Variants in DDAH1 observed in about 807,000 individuals in gnomAD.
The protein encoded by DDAH1 is N(G),N(G)-dimethylarginine dimethylaminohydrolase 1.
DDAH1 carries 19 observed loss-of-function variants against 28.8 expected under a neutral mutation model. The ratio of observed to expected loss-of-function variants is 0.66; its 90% CI spans 0.46 to 0.97. The LOEUF is 0.97. Ranked by LOEUF, DDAH1 falls within the 50% of genes least tolerant of loss-of-function variation. The pLI, the probability that DDAH1 is intolerant of heterozygous loss-of-function variation, is 0.00. For missense variants in DDAH1, 326 were observed against 375.9 expected, an observed-to-expected ratio of 0.87 and a Z score of 1.10; for synonymous variants, 153 against 154.4, an observed-to-expected ratio of 0.99 and a Z score of 0.07.
Position 85,350,432 on chromosome 1 carries a change from C to T in DDAH1, c.580G>A (p.Ala194Thr). The change falls in exon 4 of 6, where the codon GCA (alanine) becomes ACA (threonine). Residue 194 changes from alanine to threonine, a missense_variant. Transcript: ENST00000284031. ...NLIAIGSSESAQKALKIMQQM... is the reference protein window; with the variant it reads ...NLIAIGSSESTQKALKIMQQM... ...GTATTTACCTTAAGGGCCTTCTGTG[C>T]AGATTCACTAGACCCAATTGCGATC... 6.2e-7 allele frequency: 1 copy of T among 1,613,776 alleles called. No individual in the cohort carries two copies. Among genetic ancestry groups the T allele is most frequent in the South Asian group, 1.1e-5 (1 of 91,024 alleles).
At chr1:85,541,738 G>A (rs1311811215) in intron 1 of DDAH1, among the ~76,000 whole-genome samples, 2 of 152,180 alleles carry the variant, frequency 1.3e-5, no homozygotes, top group East Asian at 3.8e-4. Flanking sequence ...TTTGGGAGAT[G>A]ATTAGATCAT....
At chr1:85,344,624 T>G (rs1294394031) in intron 4 of DDAH1, among the ~76,000 whole-genome samples, 1 of 149,596 alleles carries the variant, frequency 6.7e-6, no homozygotes, top group East Asian at 2.0e-4. Flanking sequence ...TTAAGAAAAT[T>G]TTTTTTTCTC....
chr1:85,549,350 C>A (rs946356262), intron 1 of DDAH1, among the ~76,000 whole-genome samples: 43 of 152,278 alleles, frequency 2.8e-4, no homozygotes, highest in African/African-American at 9.6e-4. Flanking sequence ...CTTGTTTAAA[C>A]AAGAGTTGCT....
At chr1:85,506,717 T>C (rs542709387) in intron 1 of DDAH1, among the ~76,000 whole-genome samples, 1 of 152,350 alleles carries the variant, frequency 6.6e-6, no homozygotes, top group East Asian at 1.9e-4. Context: ...ATGGCCTTGC[T>C]TGCTAAGCTT....
In DDAH1 at chr1:85,437,067, C is replaced by T. The variant is rs181796992; in HGVS notation, c.303+27676G>A. On this transcript the variant is annotated intron_variant, in intron 1 of 5. Coordinates refer to ENST00000284031, the MANE Select transcript of DDAH1 (RefSeq NM_012137.4). Reference sequence around the variant, plus strand: ...TGATGGAAGTGATGCTGAGTGACTTCGAGGCTAGCTTGAAAAAGACAATGC... The same window carrying T: ...TGATGGAAGTGATGCTGAGTGACTTTGAGGCTAGCTTGAAAAAGACAATGC... 1.6e-4 allele frequency among the ~76,000 whole-genome samples: 25 copies of T among 152,212 alleles called. No individual in the cohort carries two copies. The East Asian group carries it at 1.7e-3, about 11-fold the overall frequency.
At chr1:85,335,532 A>C (rs1445669475) in intron 4 of DDAH1, among the ~76,000 whole-genome samples, 1 of 152,038 alleles carries the variant, frequency 6.6e-6, no homozygotes. Context: ...TATCAGATAA[A>C]ACAGATTTTT....
At chr1:85,570,228 G>A (rs903316852) in intron 1 of DDAH1, among the ~76,000 whole-genome samples, 3 of 152,044 alleles carry the variant, frequency 2.0e-5, no homozygotes, top group African/African-American at 7.2e-5. Flanking sequence ...CTACCACGTG[G>A]CCTCAAAGCC....
intron 1 of DDAH1, among the ~76,000 whole-genome samples, chr1:85,550,977 A>T (rs1421276840): frequency 1.3e-5 from 2 of 152,216 alleles, no homozygotes; most frequent in African/African-American, 2.4e-5. Context: ...AAGTTCTCTC[A>T]AGTAAGCTGA....
chr1:85,513,738 A>G (rs1359670811), intron 1 of DDAH1, among the ~76,000 whole-genome samples: 6 of 152,256 alleles, frequency 3.9e-5, no homozygotes, highest in South Asian at 2.1e-4. Flanking sequence ...TGCAGCCAAC[A>G]GACACATGAA....
At chr1:85,419,847 TGA>T (rs1026958047) in intron 1 of DDAH1, among the ~76,000 whole-genome samples, 2 of 152,180 alleles carry the variant, frequency 1.3e-5, no homozygotes, top group African/African-American at 2.4e-5. Context: ...TTTAAGACCT[TGA>T]GAGTTTTCAG....
chr1:85,540,175 C>G (rs1658428490), intron 1 of DDAH1, among the ~76,000 whole-genome samples: 1 of 152,078 alleles, frequency 6.6e-6, no homozygotes, highest in South Asian at 2.1e-4. Flanking sequence ...AATAGAGTAT[C>G]ATCCCCATTT....
At chr1:85,338,148 G>T (rs1318289069) in intron 4 of DDAH1, among the ~76,000 whole-genome samples, 1 of 152,176 alleles carries the variant, frequency 6.6e-6, no homozygotes, top group Admixed American at 6.5e-5. Flanking sequence ...GGGAAGGAAG[G>T]CAGACTTTTC....
chr1:85,370,110 G>C (rs998828314), intron 1 of DDAH1, among the ~76,000 whole-genome samples: 2 of 152,148 alleles, frequency 1.3e-5, no homozygotes, highest in African/African-American at 4.8e-5. Flanking sequence ...GGGGTCTTTA[G>C]AGAGATAATC....
intron 4 of DDAH1, among the ~76,000 whole-genome samples, chr1:85,333,591 A>C (rs995827236): frequency 6.6e-6 from 1 of 152,142 alleles, no homozygotes; most frequent in Non-Finnish European, 1.5e-5. Context: ...TTAAAAAAAC[A>C]ACTCAGGGTA....
intron 2 of DDAH1, among the ~76,000 whole-genome samples, chr1:85,483,389 C>A (rs1055677953): frequency 3.3e-5 from 5 of 152,076 alleles, no homozygotes; most frequent in African/African-American, 1.2e-4. Flanking sequence ...CTCATCAAGA[C>A]CCTCATCTAC....
chr1:85,428,918 A>C lies in DDAH1; in HGVS notation c.303+35825T>G, dbSNP rs115026227. The stretch of plus-strand genomic sequence containing the variant: ...CAGAGGAAGCAACATGAGGAAGTGA[A>C]ACAAGCCAAGGTGGCAATTGTTGGA... On this transcript the variant is annotated intron_variant, in intron 1 of 5. Transcript: ENST00000284031. Among the ~76,000 whole-genome samples the C allele has an allele frequency of 3.5e-3, 531 of 152,270 alleles. 1 individual carries two copies. Among genetic ancestry groups the C allele is most frequent in the Non-Finnish European group, 5.8e-3 (397 of 68,016 alleles).
upstream of DDAH1, among the ~76,000 whole-genome samples, chr1:85,468,807 C>T (rs996080451): frequency 6.6e-6 from 1 of 152,078 alleles, no homozygotes; most frequent in Admixed American, 6.6e-5. Context: ...CGTGAGCAAC[C>T]GCGCCTAGCC....
chr1:85,545,116 C>A (rs1185357310), intron 1 of DDAH1, among the ~76,000 whole-genome samples: 1 of 152,178 alleles, frequency 6.6e-6, no homozygotes, highest in Admixed American at 6.5e-5. Context: ...CATTCAGCAA[C>A]CCAAACTCTG....
chr1:85,337,668 G>T (rs777852685), intron 4 of DDAH1, among the ~76,000 whole-genome samples: 2 of 152,064 alleles, frequency 1.3e-5, no homozygotes, highest in Non-Finnish European at 2.9e-5. Flanking sequence ...TGGCCAGGCT[G>T]GTCTCAAACT....
Sources: allele counts gnomAD v4.1 joint callset (sites outside exome capture counted in the v4.1 genomes callset), GRCh38; gene constraint gnomAD v4.1.1; transcripts MANE v1.5; gene names NCBI Gene and HGNC (gene_info 2026-07-23, HGNC 2026-07-21).